ITFG1: variants seen among roughly 807,000 people sequenced by gnomAD.
ITFG1 encodes T-cell immunomodulatory protein.
A neutral mutation model predicts 81.8 loss-of-function variants in ITFG1; 34 were observed. That is an observed-to-expected ratio of 0.42 (90% CI 0.32 to 0.55). The LOEUF (loss-of-function observed/expected upper bound fraction) is 0.55, where lower values mean the gene tolerates loss of function less well. Among genes scored for constraint, ITFG1 ranks in the 20% least tolerant of loss-of-function variants. The pLI is 0.17. For synonymous variants in ITFG1, 285 were observed against 270.6 expected, an observed-to-expected ratio of 1.05 and a Z score of -0.52; for missense variants, 672 against 755.4, an observed-to-expected ratio of 0.89 and a Z score of 1.29.
intron 14 of ITFG1, among the ~76,000 whole-genome samples, chr16:47,175,052 G>T (rs565519102): frequency 6.6e-6 from 1 of 152,298 alleles, no homozygotes; most frequent in East Asian, 1.9e-4. Flanking sequence ...CATCTTATCT[G>T]ATAATCATGG....
At chr16:47,447,720 T>C (rs1017757829) in intron 5 of ITFG1, among the ~76,000 whole-genome samples, 1 of 152,156 alleles carries the variant, frequency 6.6e-6, no homozygotes, top group African/African-American at 2.4e-5. Flanking sequence ...GAAATGAACA[T>C]GCCACTTGAA....
At chr16:47,389,091 A>T (rs1326088330) in intron 6 of ITFG1, among the ~76,000 whole-genome samples, 2 of 152,162 alleles carry the variant, frequency 1.3e-5, no homozygotes, top group Non-Finnish European at 2.9e-5. Flanking sequence ...CTTTCTGGAC[A>T]TATGTCTGGC....
At position 47,258,732 on chromosome 16, in the gene ITFG1, C is replaced by T; in HGVS notation, c.1230G>A (p.Leu410=). 2 of 1,464,362 alleles carry T rather than the reference C, an allele frequency of 1.4e-6. No homozygotes were observed. Among genetic ancestry groups the T allele is most frequent in the Non-Finnish European group, 1.8e-6 (2 of 1,091,116 alleles). 90.7% of individuals were successfully genotyped at this position (1,464,362 alleles called of 1,614,324 possible). ...TFFDIYEDGI[L]DIVVLSKGYT... is the part of the protein sequence containing the mutation. ...ATCCTTTACTTAGCACTACAATGTC[C>T]AAGATTCCCTGGAAAAAAACAAACA... Residue 410 remains leucine (L), a synonymous_variant, in exon 12 of 18, where the codon TTG becomes TTA. Coordinates refer to ENST00000320640, the MANE Select transcript of ITFG1 (RefSeq NM_030790.5).
rs937341133 is a variant in ITFG1 at position 47,185,935 on chromosome 16, C to A, written c.1454-23271G>T. ...AAAAATGATAAAGGGGATATCACCACCGATCCCACAGAAATACAAACTACC... is the reference window on the plus strand; with the variant it reads ...AAAAATGATAAAGGGGATATCACCAACGATCCCACAGAAATACAAACTACC... On this transcript the variant is annotated intron_variant, in intron 14 of 17. Transcript: ENST00000320640. 1.6e-4 allele frequency among the ~76,000 whole-genome samples: 25 copies of A among 152,300 alleles called. No individual in the cohort carries two copies. In the East Asian group the frequency reaches 4.0e-3, roughly 25 times the overall value.
At chr16:47,156,831 T>C (rs1341299616) in intron 17 of ITFG1, among the ~76,000 whole-genome samples, 1 of 152,128 alleles carries the variant, frequency 6.6e-6, no homozygotes, top group Non-Finnish European at 1.5e-5. Flanking sequence ...CACATGGAAG[T>C]CATATGCAGG....
intron 8 of ITFG1, among the ~76,000 whole-genome samples, chr16:47,314,850 T>C (rs1967327317): frequency 6.6e-6 from 1 of 152,176 alleles, no homozygotes; most frequent in Non-Finnish European, 1.5e-5. Context: ...AAAAGGATTA[T>C]TAATACAGAA....
intron 8 of ITFG1, among the ~76,000 whole-genome samples, chr16:47,344,186 T>C (rs1967820935): frequency 6.6e-6 from 1 of 152,220 alleles, no homozygotes; most frequent in African/African-American, 2.4e-5. Flanking sequence ...TGAAAATACA[T>C]AGTGGTTAAT....
rs565024724 is a variant in ITFG1, at chr16:47,324,401, A to G, written c.803-10578T>C. On this transcript the variant is annotated intron_variant, in intron 8 of 17. Transcript: ENST00000320640. ...AAAAACATGCCAAATTGTAAAGACC[A>G]TCAAGGCTAGGAAGAAACTGCATCA... Among the ~76,000 whole-genome samples, 680 of 152,268 alleles carry G rather than the reference A, an allele frequency of 4.5e-3. 6 individuals are homozygous for G. Among genetic ancestry groups the G allele is most frequent in the African/African-American group, 0.015 (636 of 41,538 alleles).
intron 6 of ITFG1, among the ~76,000 whole-genome samples, chr16:47,389,960 T>G (rs543825298): frequency 6.6e-6 from 1 of 152,330 alleles, no homozygotes; most frequent in African/African-American, 2.4e-5. Flanking sequence ...GTCAGTGAAT[T>G]AAACAAGTTC....
chr16:47,335,856 C>A lies in ITFG1; in HGVS notation c.803-22033G>T, dbSNP rs180959468. 3.3e-5 allele frequency among the ~76,000 whole-genome samples: 5 copies of A among 152,096 alleles called. 1 individual carries two copies. Among genetic ancestry groups the A allele is most frequent in the Non-Finnish European group, 7.4e-5 (5 of 68,006 alleles). ...ATCATATTGATCTGGTATTTCCACT[C>A]CTAGGTATTACTAAGAAAAAGGAAA... On this transcript the variant is annotated intron_variant, in intron 8 of 17. Transcript: ENST00000320640.
At chr16:47,157,138 AG>A in intron 17 of ITFG1, among the ~76,000 whole-genome samples, 1 of 152,166 alleles carries the variant, frequency 6.6e-6, no homozygotes, top group South Asian at 2.1e-4. Context: ...ATGAAGCTTT[AG>A]AATGCTGGTT....
chr16:47,333,690 T>C (rs1967665410), intron 8 of ITFG1, among the ~76,000 whole-genome samples: 1 of 152,208 alleles, frequency 6.6e-6, no homozygotes, highest in Non-Finnish European at 1.5e-5. Context: ...GCTTTAGGAC[T>C]AGAGGTATGT....
intron 10 of ITFG1, among the ~76,000 whole-genome samples, chr16:47,305,796 G>C (rs1288943322): frequency 6.6e-6 from 1 of 152,054 alleles, no homozygotes; most frequent in Non-Finnish European, 1.5e-5. Context: ...TCAGGCTGGG[G>C]GAAAATAAAG....
intron 6 of ITFG1, among the ~76,000 whole-genome samples, chr16:47,417,094 C>T (rs992457731): frequency 1.2e-4 from 19 of 152,160 alleles, no homozygotes; most frequent in African/African-American, 4.3e-4. Context: ...TGGCTGATGG[C>T]ACTTCTTGTC....
intron 3 of ITFG1, among the ~76,000 whole-genome samples, chr16:47,453,318 T>C (rs1047440252): frequency 1.3e-5 from 2 of 152,226 alleles, no homozygotes; most frequent in East Asian, 1.9e-4. Context: ...GTATAACTAA[T>C]TGGCTTTTCA....
chr16:47,250,368 T>TA (rs913891363), intron 12 of ITFG1, among the ~76,000 whole-genome samples: 76 of 151,222 alleles, frequency 5.0e-4, no homozygotes, highest in African/African-American at 1.5e-3. Flanking sequence ...CCTATATAAA[T>TA]ATATATACAT....
intron 14 of ITFG1, among the ~76,000 whole-genome samples, chr16:47,214,198 A>C (rs1965598632): frequency 6.6e-6 from 1 of 152,310 alleles, no homozygotes; most frequent in Non-Finnish European, 1.5e-5. Flanking sequence ...TGTGTCGTAG[A>C]AGACATATTT....
In ITFG1 at chr16:47,211,287, G is replaced by A. The variant is rs112990801; in HGVS notation, c.1453+7581C>T. Reference sequence around the variant, plus strand: ...TATTTCACATTTTTTGAGTGATTGAGAATAGAAATGTATTTTTAATTTTGG... The same window carrying A: ...TATTTCACATTTTTTGAGTGATTGAAAATAGAAATGTATTTTTAATTTTGG... On this transcript the variant is annotated intron_variant, in intron 14 of 17. Transcript: ENST00000320640. Among the ~76,000 whole-genome samples, 637 of 152,250 alleles carry A rather than the reference G, an allele frequency of 4.2e-3. 5 individuals carry two copies. Among genetic ancestry groups the A allele is most frequent in the Middle Eastern group, 0.014 (4 of 294 alleles).
chr16:47,164,988 T>G (rs1964871112), intron 14 of ITFG1, among the ~76,000 whole-genome samples: 1 of 152,272 alleles, frequency 6.6e-6, no homozygotes, highest in Non-Finnish European at 1.5e-5. Flanking sequence ...CAGTCCATTC[T>G]GTGGCTTTGG....
Sources: gnomAD v4.1 joint callset for allele counts (sites outside exome capture counted in the v4.1 genomes callset) on GRCh38, gnomAD v4.1.1 for gene constraint, MANE v1.5 for transcripts, NCBI Gene and HGNC (gene_info 2026-07-23, HGNC 2026-07-21) for gene names.